The following ATP6V0A4 variants were observed in gnomAD, a reference collection of about 807,000 sequenced individuals.
The protein encoded by ATP6V0A4 is ATPase H+ transporting V0 subunit a4, also known as V-type proton ATPase 116 kDa subunit a 4.
In ATP6V0A4, 86 loss-of-function variants were observed where a neutral mutation model predicts 107.3. That is an observed-to-expected ratio of 0.80 (90% CI 0.67 to 0.96). ATP6V0A4 has a LOEUF of 0.96. Ranked by LOEUF, ATP6V0A4 falls within the 40% of genes least tolerant of loss-of-function variation. ATP6V0A4 has a pLI of 0.00. For synonymous variants in ATP6V0A4, 353 were observed against 381.4 expected (o/e 0.93, Z 0.87); for missense variants, 908 against 1,045.6 (o/e 0.87, Z 1.81).
chr7:138,785,733 GCA>G (rs1334967538), intron 2 of ATP6V0A4, among the ~76,000 whole-genome samples: 2 of 151,862 alleles, frequency 1.3e-5, no homozygotes, highest in Non-Finnish European at 2.9e-5. Flanking sequence ...TCCATTGTAT[GCA>G]CACACACGCA....
At chr7:138,781,287 A>G (rs1355038448) in intron 2 of ATP6V0A4, among the ~76,000 whole-genome samples, 1 of 152,096 alleles carries the variant, frequency 6.6e-6, no homozygotes, top group African/African-American at 2.4e-5. Flanking sequence ...ACTTAATTCC[A>G]GGAAAGCTTT....
rs1157184618 is a variant in ATP6V0A4, at chr7:138,715,897, G to T, written c.2140-16C>A. Reference sequence around the variant, plus strand: ...CAAAGTTGAACTGAAAGACGGAATTGTTTATTTTACTTCATTGAGAATTTT... The same window carrying T: ...CAAAGTTGAACTGAAAGACGGAATTTTTTATTTTACTTCATTGAGAATTTT... On this transcript the variant is annotated splice_polypyrimidine_tract_variant and intron_variant, in intron 19 of 21. Coordinates refer to ENST00000310018, the MANE Select transcript of ATP6V0A4 (RefSeq NM_020632.3). The T allele has an allele frequency of 6.2e-7, 1 of 1,611,142 alleles. No individual in the cohort carries two copies. The highest frequency in any genetic ancestry group is 8.5e-7 in the Non-Finnish European group (1 of 1,177,946).
At chr7:138,718,390 A>T (rs1804218180) in intron 19 of ATP6V0A4, among the ~76,000 whole-genome samples, 1 of 89,876 alleles carries the variant, frequency 1.1e-5, no homozygotes, top group African/African-American at 4.7e-5. Context: ...ATGTCTGTGG[A>T]GGGAGACGTC....
intron 15 of ATP6V0A4, among the ~76,000 whole-genome samples, chr7:138,736,609 T>C (rs938003380): frequency 6.6e-6 from 1 of 152,118 alleles, no homozygotes; most frequent in South Asian, 2.1e-4. Flanking sequence ...TCTCGCTCTG[T>C]TGCTCAGGCT....
Position 138,744,348 on chromosome 7 carries a change from G to A in ATP6V0A4, c.1478+775C>T, listed in dbSNP as rs192376725. Among the ~76,000 whole-genome samples, 479 of 139,728 alleles carry A rather than the reference G, an allele frequency of 3.4e-3. 3 individuals carry two copies. Among genetic ancestry groups the A allele is most frequent in the African/African-American group, 0.012 (458 of 36,922 alleles). 91.7% of individuals were successfully genotyped at this position (139,728 alleles called of 152,430 possible). A position where few individuals can be genotyped will look rare whatever the true frequency, so the allele number is the denominator to read the frequency against. On this transcript the variant is annotated intron_variant, in intron 14 of 21. Transcript: ENST00000310018. The stretch of plus-strand genomic sequence containing the variant: ...CACCTCCTGGATTCAAGCAGTTCTC[G>A]TGCCTTGGCCTCCTTAGTAGCTGGG...
intron 19 of ATP6V0A4, among the ~76,000 whole-genome samples, chr7:138,718,673 G>GA (rs1305890441): frequency 1.2e-3 from 9 of 7,718 alleles, no homozygotes; most frequent in African/African-American, 5.7e-3. Flanking sequence ...AAGGAATTCG[G>GA]GGCGGGGGGG....
intron 6 of ATP6V0A4, 182 bp from the exon 7 acceptor site, chr7:138,762,616 A>T: frequency 1.4e-6 from 1 of 736,594 alleles, no homozygotes; most frequent in Non-Finnish European, 1.7e-6. Context: ...TTCCTACCAA[A>T]ACCCTAAAAC....
At chr7:138,786,036 C>T (rs1008296591) in intron 2 of ATP6V0A4, 122 bp downstream of exon 2, 1 of 152,476 alleles carries the variant, frequency 6.6e-6, no homozygotes, top group Non-Finnish European at 1.5e-5. Context: ...TCAGACAGCT[C>T]CACTCTCCTC....
chr7:138,772,777 A>T (rs917044046), intron 2 of ATP6V0A4, among the ~76,000 whole-genome samples: 1 of 151,884 alleles, frequency 6.6e-6, no homozygotes, highest in African/African-American at 2.4e-5. Context: ...TGCATTCCAA[A>T]CTCTGGGGTG....
Position 138,735,975 on chromosome 7 carries a change from G to A in ATP6V0A4, c.1573-1721C>T, listed in dbSNP as rs796949227. Among the ~76,000 whole-genome samples the A allele has an allele frequency of 2.8e-4, 42 of 152,250 alleles. 1 individual carries two copies. The highest frequency in any genetic ancestry group is 9.9e-4 in the African/African-American group (41 of 41,536). ...CCCAGCTACTCAGGAGGCAGAGGCA[G>A]AAGAATCACTTGAACCCAGGAGGTG... On this transcript the variant is annotated intron_variant, in intron 15 of 21. Transcript: ENST00000310018.
At chr7:138,716,019 T>G in intron 19 of ATP6V0A4, 138 bp from the exon 20 acceptor site, 1 of 1,199,890 alleles carries the variant, frequency 8.3e-7, no homozygotes, top group Non-Finnish European at 1.2e-6. Flanking sequence ...GAAATAGTAA[T>G]AGACTTAGAG....
intron 1 of ATP6V0A4, among the ~76,000 whole-genome samples, chr7:138,790,197 G>A (rs1808345872): frequency 6.6e-6 from 1 of 151,726 alleles, no homozygotes; most frequent in Admixed American, 6.6e-5. Context: ...GAATTATATT[G>A]ACATAAAGAT....
rs574604829 is a variant in ATP6V0A4 at position 138,789,317 on chromosome 7, G to A, written c.-120-3057C>T. 5.3e-5 allele frequency among the ~76,000 whole-genome samples: 8 copies of A among 151,780 alleles called. No homozygotes were observed. The Middle Eastern group carries it at 0.01, about 194-fold the overall frequency. On this transcript the variant is annotated intron_variant, in intron 1 of 21. Transcript: ENST00000310018. ...GGCTGGAGTGCAGTGGTGCAATCTC[G>A]GCTCACTGCAAACTCTGCCTCCTGG... is the stretch of plus-strand genomic sequence containing the variant.
rs57065960 is a variant in ATP6V0A4, at chr7:138,765,735, G to GGTTTTTGTTTTT, written c.292-2722_292-2711dup. ...ATTACTCTCCTACTTTTATGCTGGT[G>GGTTTTTGTTTTT]GTTTTTGTTTTTGTTTTTGTTTTTG... On this transcript the variant is annotated intron_variant, in intron 5 of 21. Coordinates refer to ENST00000310018, the MANE Select transcript of ATP6V0A4 (RefSeq NM_020632.3). Among the ~76,000 whole-genome samples the GGTTTTTGTTTTT allele has an allele frequency of 1.5e-3, 233 of 151,350 alleles. 1 individual carries two copies. Among genetic ancestry groups the GGTTTTTGTTTTT allele is most frequent in the East Asian group, 5.7e-3 (29 of 5,070 alleles).
chr7:138,723,205 T>C (rs1387426615), intron 18 of ATP6V0A4, among the ~76,000 whole-genome samples: 1 of 152,142 alleles, frequency 6.6e-6, no homozygotes, highest in Non-Finnish European at 1.5e-5. Flanking sequence ...AATTATAGTC[T>C]TGACACTAAA....
At chr7:138,796,544 T>G (rs1282853418) in intron 1 of ATP6V0A4, among the ~76,000 whole-genome samples, 1 of 152,190 alleles carries the variant, frequency 6.6e-6, no homozygotes, top group Non-Finnish European at 1.5e-5. Context: ...GCAGGCTGTG[T>G]GCACACAGAC....
intron 1 of ATP6V0A4, among the ~76,000 whole-genome samples, chr7:138,789,722 G>A (rs1048350308): frequency 6.6e-6 from 1 of 151,424 alleles, no homozygotes; most frequent in South Asian, 2.1e-4. Flanking sequence ...TGTAATCCCA[G>A]CACTTTGAGA....
chr7:138,726,180 G>A (rs988878613), intron 18 of ATP6V0A4, among the ~76,000 whole-genome samples: 9 of 151,924 alleles, frequency 5.9e-5, no homozygotes, highest in Non-Finnish European at 1.0e-4. Flanking sequence ...TAGTAGAGAC[G>A]GGGTTTCACC....
intron 2 of ATP6V0A4, among the ~76,000 whole-genome samples, chr7:138,783,736 A>G (rs923128494): frequency 3.9e-5 from 6 of 152,152 alleles, no homozygotes; most frequent in East Asian, 3.8e-4. Flanking sequence ...CAAAAAAATA[A>G]CTTTTAAAAT....
Sources: allele counts gnomAD v4.1 joint callset (sites outside exome capture counted in the v4.1 genomes callset), GRCh38; gene constraint gnomAD v4.1.1; transcripts MANE v1.5; gene names NCBI Gene and HGNC (gene_info 2026-07-23, HGNC 2026-07-21).